The following SNX18 variants were observed in gnomAD, a reference collection of about 807,000 sequenced individuals.
SNX18 encodes the protein sorting nexin-18.
SNX18 carries 35 observed loss-of-function variants against 48.7 expected under a neutral mutation model. The ratio of observed to expected loss-of-function variants is 0.72; its 90% CI spans 0.55 to 0.95. The LOEUF (loss-of-function observed/expected upper bound fraction) is 0.95, where lower values mean the gene tolerates loss of function less well. Ranked by LOEUF, SNX18 falls within the 40% of genes least tolerant of loss-of-function variation. The probability of loss-of-function intolerance (pLI) is 0.00; values close to 1 mark genes in which losing one functional copy is unlikely to be tolerated. For synonymous variants in SNX18, 492 were observed against 384.7 expected (o/e 1.28, Z -3.26); for missense variants, 824 against 871.0 (o/e 0.95, Z 0.68).
the SNX18 span, among the ~76,000 whole-genome samples, chr5:54,558,429 C>A: frequency 1.1e-4 from 17 of 152,098 alleles, no homozygotes; most frequent in African/African-American, 4.1e-4. Flanking sequence ...AGAGTAATAT[C>A]TAAATCACAG....
chr5:54,529,722 T>C (rs1295818840), intron 1 of SNX18, among the ~76,000 whole-genome samples: 1 of 152,186 alleles, frequency 6.6e-6, no homozygotes, highest in Non-Finnish European at 1.5e-5. Context: ...TGGCATGGGC[T>C]AAAACCAGAT....
At chr5:54,572,537 A>G in the SNX18 span, among the ~76,000 whole-genome samples, 3 of 152,094 alleles carry the variant, frequency 2.0e-5, no homozygotes, top group East Asian at 5.8e-4. Context: ...GCCAAATACT[A>G]GAGGTGTAGT....
At chr5:54,579,003 T>C in the SNX18 span, among the ~76,000 whole-genome samples, 1 of 152,176 alleles carries the variant, frequency 6.6e-6, no homozygotes, top group African/African-American at 2.4e-5. Flanking sequence ...AGTCAAAGTT[T>C]GTTCATCTTT....
At chr5:54,574,760 G>A in the SNX18 span, among the ~76,000 whole-genome samples, 1 of 152,124 alleles carries the variant, frequency 6.6e-6, no homozygotes, top group African/African-American at 2.4e-5. Context: ...GATGTGTGTA[G>A]GGGCGGGTAA....
the SNX18 span, among the ~76,000 whole-genome samples, chr5:54,552,150 G>A: frequency 8.6e-4 from 131 of 152,302 alleles, 1 homozygote; most frequent in African/African-American, 3.0e-3. Context: ...GTGCCTCCGC[G>A]ACGTGACCCA....
intron 1 of SNX18, among the ~76,000 whole-genome samples, chr5:54,524,565 T>C (rs1178506886): frequency 1.3e-5 from 2 of 152,258 alleles, no homozygotes; most frequent in African/African-American, 2.4e-5. Context: ...CTCTTTGGGC[T>C]GAATAAAAAA....
rs1247970745 is a variant in SNX18 at position 54,543,320 on chromosome 5, G to A, written c.1763G>A (p.Arg588Gln). Residue 588 changes from arginine (R) to glutamine (Q), a missense_variant, in exon 2 of 2, where the codon CGA (arginine) becomes CAA (glutamine). Around this residue, in one of 3 missense-constraint regions of SNX18, gnomAD observed 443 missense variants for 503.6 expected, o/e 0.88. Transcript: ENST00000381410. ...GAAATTCACCACTTCCATCAAATTC[G>A]AGTGAGAGACTTTAAATCACAGATG... ...LAEIHHFHQI[R>Q]VRDFKSQMQH... 2 of 1,613,938 alleles carry A rather than the reference G, an allele frequency of 1.2e-6. No individual in the cohort carries two copies. The highest frequency in any genetic ancestry group is 8.5e-7 in the Non-Finnish European group (1 of 1,180,032).
the SNX18 span, among the ~76,000 whole-genome samples, chr5:54,567,889 G>A: frequency 6.6e-6 from 1 of 152,178 alleles, no homozygotes; most frequent in East Asian, 1.9e-4. Flanking sequence ...ATCGTGCCTG[G>A]GGTTCCTGAT....
chr5:54,635,013 A>G, the SNX18 span, among the ~76,000 whole-genome samples: 1 of 152,176 alleles, frequency 6.6e-6, no homozygotes, highest in East Asian at 1.9e-4. Flanking sequence ...ATAATTTTAT[A>G]GTGATTCATT....
At position 54,522,303 on chromosome 5, in the gene SNX18, A is replaced by G. The variant is rs564984829; in HGVS notation, c.1621+2730A>G. Among the ~76,000 whole-genome samples, 86 of 152,258 alleles carry G rather than the reference A, an allele frequency of 5.6e-4. 2 individuals are homozygous for G. The South Asian group carries it at 0.017, about 31-fold the overall frequency. On this transcript the variant is annotated intron_variant, in intron 1 of 1. Coordinates refer to ENST00000381410, the MANE Select transcript of SNX18 (RefSeq NM_001102575.2). Reference sequence around the variant, plus strand: ...AGCATCTCAATTCCGTCACCTCCCCAACCCCAACTGTTACACACTTGAAAT... The same window carrying G: ...AGCATCTCAATTCCGTCACCTCCCCGACCCCAACTGTTACACACTTGAAAT...
At position 54,518,975 on chromosome 5, in the gene SNX18, C is replaced by G; in HGVS notation, c.1023C>G (p.Thr341=). The G allele has an allele frequency of 6.2e-7, 1 of 1,613,576 alleles. No individual in the cohort carries two copies. The highest frequency in any genetic ancestry group is 8.5e-7 in the Non-Finnish European group (1 of 1,179,970). Residue 341 remains threonine, a synonymous_variant, in exon 1 of 2, where the codon ACC becomes ACG. Transcript: ENST00000381410. ...SVPHLPEKQA[T]GRFEEDFISK... ...CCCACCTGCCCGAGAAGCAGGCCAC[C>G]GGCCGCTTCGAGGAGGACTTCATCT...
the SNX18 span, among the ~76,000 whole-genome samples, chr5:54,586,811 C>A: frequency 4.6e-5 from 7 of 152,106 alleles, no homozygotes; most frequent in African/African-American, 1.7e-4. Context: ...ATGAAGCCAG[C>A]AGCAAAGTCA....
Position 54,546,534 on chromosome 5 carries a change from C to T in SNX18, c.*3102C>T, listed in dbSNP as rs1762579949. 1 of 152,106 alleles carries T rather than the reference C, an allele frequency of 6.6e-6. No individual in the cohort carries two copies. The allele number at this position is 152,106 out of a possible 1,614,324, so 9.4% of individuals were successfully genotyped here. ...TTCCTTCAAAATGTTATGATTAGTG[C>T]AGATCAGCCATGTTTATCTTTTTAA... On this transcript the variant is annotated 3_prime_UTR_variant, in exon 2 of 2. Coordinates refer to ENST00000381410, the MANE Select transcript of SNX18 (RefSeq NM_001102575.2).
Position 54,519,561 on chromosome 5 carries a change from C to G in SNX18, c.1609C>G (p.His537Asp). Residue 537 changes from histidine (H) to aspartate (D), a missense_variant, in exon 1 of 2, where the codon CAC (histidine) becomes GAC (aspartate). This residue lies in a region of SNX18 where 443 missense variants were observed against 503.6 expected (regional missense o/e 0.88). Coordinates refer to ENST00000381410, the MANE Select transcript of SNX18 (RefSeq NM_001102575.2). ...GHLANFPDII[H>D]VQKGALTKVK... Reference sequence around the variant, plus strand: ...TCTGGCTAACTTCCCGGACATCATCCACGTTCAGAAAGGTAAAGCCTGGCC... The same window carrying G: ...TCTGGCTAACTTCCCGGACATCATCGACGTTCAGAAAGGTAAAGCCTGGCC... The G allele has an allele frequency of 6.2e-7, 1 of 1,614,218 alleles. No individual in the cohort carries two copies. The highest frequency in any genetic ancestry group is 1.7e-5 in the Admixed American group (1 of 60,028).
intron 1 of SNX18, among the ~76,000 whole-genome samples, chr5:54,542,394 G>A (rs921802845): frequency 5.9e-5 from 9 of 152,116 alleles, no homozygotes; most frequent in Non-Finnish European, 1.2e-4. Flanking sequence ...AACACTCACC[G>A]ATCCTTATAG....
At chr5:54,583,385 T>A in the SNX18 span, among the ~76,000 whole-genome samples, 3 of 152,228 alleles carry the variant, frequency 2.0e-5, no homozygotes, top group East Asian at 5.8e-4. Flanking sequence ...TCATTTCAGA[T>A]CTGGCTCTGG....
At chr5:54,593,253 C>T in the SNX18 span, among the ~76,000 whole-genome samples, 1 of 152,082 alleles carries the variant, frequency 6.6e-6, no homozygotes, top group Non-Finnish European at 1.5e-5. Context: ...ATATATTTTC[C>T]TGTAACTCAC....
At chr5:54,647,246 G>C in the SNX18 span, among the ~76,000 whole-genome samples, 2 of 152,212 alleles carry the variant, frequency 1.3e-5, no homozygotes, top group African/African-American at 4.8e-5. Context: ...GAGTGCAACA[G>C]TTAAAACGCA....
chr5:54,586,774 T>C, the SNX18 span, among the ~76,000 whole-genome samples: 1 of 152,150 alleles, frequency 6.6e-6, no homozygotes. Context: ...CATAGTAGGA[T>C]CATAGCTTGC....
Sources: allele counts gnomAD v4.1 joint callset (sites outside exome capture counted in the v4.1 genomes callset), GRCh38; gene constraint gnomAD v4.1.1; regional missense constraint gnomAD v4.1.1; transcripts MANE v1.5; gene names NCBI Gene and HGNC (gene_info 2026-07-23, HGNC 2026-07-21).